Variants in LIN7B observed in about 807,000 individuals in gnomAD.
LIN7B encodes protein lin-7 homolog B.
In LIN7B, 16 loss-of-function variants were observed where a neutral mutation model predicts 27.9. That is an observed-to-expected ratio of 0.57 (90% CI 0.39 to 0.87). LIN7B has a LOEUF of 0.87. LIN7B is among the 40% of genes least tolerant of loss of function. LIN7B has a pLI of 0.00. For synonymous variants in LIN7B, 147 were observed against 120.8 expected, an observed-to-expected ratio of 1.22 and a Z score of -1.42; for missense variants, 291 against 288.5, an observed-to-expected ratio of 1.01 and a Z score of -0.06.
At chr19:49,118,108 C>G in intron 5 of LIN7B, 90 bp downstream of exon 5, 3 of 1,548,030 alleles carry the variant, frequency 1.9e-6, no homozygotes, top group South Asian at 2.4e-5. Flanking sequence ...CCTGGATCTT[C>G]CAGCCCTGGC....
Position 49,118,124 on chromosome 19 carries a change from C to T in LIN7B, c.602+106C>T, listed in dbSNP as rs1333214861. On this transcript the variant is annotated intron_variant, in intron 5 of 5. Transcript: ENST00000221459. ...CTGGATCTTCCAGCCCTGGCCCCTC[C>T]TCTGGGATCCTGACCCTTGACCCTT... 3.9e-6 allele frequency: 6 copies of T among 1,522,518 alleles called. No individual in the cohort carries two copies. The South Asian group carries it at 4.9e-5, about 13-fold the overall frequency. The allele number at this position is 1,522,518 out of a possible 1,614,324, so 94.3% of individuals were successfully genotyped here. A position where few individuals can be genotyped will look rare whatever the true frequency, so the allele number is the denominator to read the frequency against.
chr19:49,117,982 G>C lies in LIN7B; in HGVS notation c.566G>C (p.Arg189Pro). Residue 189 changes from arginine to proline, a missense_variant, in exon 5 of 6, where the codon CGC becomes CCC. Transcript: ENST00000221459. ...EEMEARFEKMRSARRRQQHQS... is the reference protein window; with the variant it reads ...EEMEARFEKMPSARRRQQHQS... The stretch of plus-strand genomic sequence containing the variant: ...ATGGAGGCCCGGTTCGAGAAGATGC[G>C]CTCTGCCCGCCGGCGCCAACAGCAT... The C allele has an allele frequency of 6.2e-7, 1 of 1,614,006 alleles. No homozygotes were observed. Among genetic ancestry groups the C allele is most frequent in the Non-Finnish European group, 8.5e-7 (1 of 1,179,960 alleles).
Position 49,114,843 on chromosome 19 carries a change from C to T in LIN7B, c.38-6C>T, listed in dbSNP as rs995009579. ...GGGGTTTCTGCGCCCCGCCCCCGCC[C>T]CGCAGACGTGTCCCGGGCGGTTGAG... On this transcript the variant is annotated splice_region_variant and splice_polypyrimidine_tract_variant and intron_variant, in intron 1 of 5. Transcript: ENST00000221459. 3 of 1,439,058 alleles carry T rather than the reference C, an allele frequency of 2.1e-6. No homozygotes were observed. Among genetic ancestry groups the T allele is most frequent in the Non-Finnish European group, 2.7e-6 (3 of 1,098,610 alleles). 89.1% of individuals were successfully genotyped at this position (1,439,058 alleles called of 1,614,324 possible).
chr19:49,114,962 C>G lies in LIN7B; in HGVS notation c.151C>G (p.Arg51Gly). 1 of 1,426,846 alleles carries G rather than the reference C, an allele frequency of 7.0e-7. No individual in the cohort carries two copies. The allele number at this position is 1,426,846 out of a possible 1,614,324, so 88.4% of individuals were successfully genotyped here. The change falls in exon 2 of 6, where the codon CGA (arginine) becomes GGA (glycine). Residue 51 changes from arginine to glycine, a missense_variant. Transcript: ENST00000221459. ...GCAGAGCCGCTTCTGCTCCGCTATC[C>G]GAGAGGTGAGGGGCGCGCGGCGCAG... The part of the protein sequence containing the change: ...VLQSRFCSAI[R>G]EVYEQLYDTL...
At chr19:49,114,589 C>G in intron 1 of LIN7B, 148 bp downstream of exon 1, 3 of 591,990 alleles carry the variant, frequency 5.1e-6, no homozygotes, top group Non-Finnish European at 4.9e-6. Context: ...CGGGCGGTCG[C>G]TAGGTGTGGG....
rs760759024 is a variant in LIN7B at position 49,118,019 on chromosome 19, G to A, written c.602+1G>A. On this transcript the variant is annotated splice_donor_variant, in intron 5 of 5. Coordinates refer to ENST00000221459, the MANE Select transcript of LIN7B (RefSeq NM_022165.3). LOFTEE classifies it high-confidence loss of function. ...GGCGCCAACAGCATCAGAGCTACTC[G>A]TGAGCCCCTGGGTCACCACACCCCT... The A allele has an allele frequency of 6.8e-6, 11 of 1,613,788 alleles. No homozygotes were observed. The highest frequency in any genetic ancestry group is 8.5e-6 in the Non-Finnish European group (10 of 1,179,910).
intron 3 of LIN7B, chr19:49,115,991 CAG>C: frequency 2.9e-6 from 1 of 347,738 alleles, no homozygotes; most frequent in East Asian, 5.9e-5. Flanking sequence ...GCCTGGGCAA[CAG>C]AGTGAGACTT....
intron 1 of LIN7B, 179 bp downstream of exon 1, chr19:49,114,620 G>T: frequency 8.1e-6 from 4 of 496,404 alleles, no homozygotes; most frequent in Non-Finnish European, 1.3e-5. Flanking sequence ...GGCGCGGGCC[G>T]GGACGCTGGG....
chr19:49,115,014 C>T, intron 2 of LIN7B, 47 bp downstream of exon 2: 1 of 1,177,008 alleles, frequency 8.5e-7, no homozygotes, highest in Middle Eastern at 2.1e-4. Flanking sequence ...CCGTCGTCCT[C>T]CTCCTCCTCC....
intron 3 of LIN7B, 176 bp from the exon 4 acceptor site, chr19:49,116,087 G>C: frequency 1.7e-6 from 1 of 579,536 alleles, no homozygotes; most frequent in South Asian, 2.3e-5. Context: ...TCTTGCAAGT[G>C]AACAGAAAGA....
chr19:49,114,559 G>T, intron 1 of LIN7B, 118 bp downstream of exon 1: 2 of 804,300 alleles, frequency 2.5e-6, no homozygotes, highest in South Asian at 1.2e-4. Context: ...GGAGGGGGTG[G>T]GCGGGGCGGG....
chr19:49,116,658 G>A (rs965608179), intron 4 of LIN7B, among the ~76,000 whole-genome samples, 186 bp downstream of exon 4: 2 of 152,246 alleles, frequency 1.3e-5, no homozygotes, highest in Non-Finnish European at 2.9e-5. Context: ...TCTCTGGGGA[G>A]GGCAGTAGGC....
At chr19:49,115,101 A>T (rs1568427491) in intron 2 of LIN7B, 134 bp downstream of exon 2, 1 of 875,902 alleles carries the variant, frequency 1.1e-6, no homozygotes, top group Non-Finnish European at 1.6e-6. Context: ...CCAACGCTTC[A>T]GCTCAGGGGT....
intron 4 of LIN7B, among the ~76,000 whole-genome samples, chr19:49,117,378 G>T (rs1427899067): frequency 1.3e-5 from 2 of 152,118 alleles, no homozygotes; most frequent in African/African-American, 2.4e-5. Flanking sequence ...ATGGGTGCTG[G>T]GGAGCTATGG....
intron 4 of LIN7B, 57 bp downstream of exon 4, chr19:49,116,529 C>A: frequency 6.7e-7 from 1 of 1,486,954 alleles, no homozygotes; most frequent in South Asian, 1.2e-5. Context: ...GTAGCATAGC[C>A]CCTGCTTTTG....
At chr19:49,114,784 C>G (rs2040796768) in intron 1 of LIN7B, 65 bp from the exon 2 acceptor site, 2 of 1,010,934 alleles carry the variant, frequency 2.0e-6, no homozygotes, top group African/African-American at 3.4e-5. Flanking sequence ...CGCCGCTCTC[C>G]TTGCTTCTCT....
chr19:49,118,118 C>T (rs546014822), intron 5 of LIN7B, 100 bp downstream of exon 5: 11 of 1,538,462 alleles, frequency 7.2e-6, no homozygotes, highest in Non-Finnish European at 9.7e-6. Context: ...CCAGCCCTGG[C>T]CCCTCCTCTG....
intron 4 of LIN7B, among the ~76,000 whole-genome samples, chr19:49,117,563 G>A (rs1230141131): frequency 6.6e-6 from 1 of 152,128 alleles, no homozygotes; most frequent in Non-Finnish European, 1.5e-5. Flanking sequence ...GGACAAAAAA[G>A]AGGGAGTCAA....
At chr19:49,114,614 C>A in intron 1 of LIN7B, 173 bp downstream of exon 1, 1 of 502,926 alleles carries the variant, frequency 2.0e-6, no homozygotes, top group Non-Finnish European at 3.1e-6. Context: ...TCCCTGGGCG[C>A]GGGCCGGGAC....
Sources: gnomAD v4.1 joint callset for allele counts (sites outside exome capture counted in the v4.1 genomes callset) on GRCh38, gnomAD v4.1.1 for gene constraint, MANE v1.5 for transcripts, NCBI Gene and HGNC (gene_info 2026-07-23, HGNC 2026-07-21) for gene names.